Variants in ST6GALNAC3 observed in about 807,000 individuals in gnomAD.
ST6GALNAC3 encodes ST6 N-acetylgalactosaminide alpha-2,6-sialyltransferase 3, also known as alpha-N-acetylgalactosaminide alpha-2,6-sialyltransferase 3.
A neutral mutation model predicts 32.7 loss-of-function variants in ST6GALNAC3; 25 were observed. The observed-to-expected ratio is 0.76, with a 90% CI of 0.56 to 1.07. The LOEUF (loss-of-function observed/expected upper bound fraction) is 1.07. Among genes scored for constraint, ST6GALNAC3 ranks in the 50% least tolerant of loss-of-function variants. The pLI is 0.00. For missense variants in ST6GALNAC3, 355 were observed against 382.4 expected (o/e 0.93, Z 0.60); for synonymous variants, 129 against 133.1 (o/e 0.97, Z 0.21).
chr1:76,133,523 A>G (rs1649747217), intron 1 of ST6GALNAC3, among the ~76,000 whole-genome samples: 1 of 152,200 alleles, frequency 6.6e-6, no homozygotes, highest in African/African-American at 2.4e-5. Flanking sequence ...TCCCAGTCTA[A>G]GGGAAGATTT....
rs1226088034 is a variant in ST6GALNAC3 at position 76,125,616 on chromosome 1, A to C, written c.18+50732A>C. 4.6e-5 allele frequency among the ~76,000 whole-genome samples: 7 copies of C among 152,192 alleles called. No homozygotes were observed. In the East Asian group the frequency reaches 1.3e-3, roughly 29 times the overall value. On this transcript the variant is annotated intron_variant, in intron 1 of 4. Transcript: ENST00000328299. ...TTTGTCATCCTGTTTTAGTATCTAGAATACACTCTGAAGATCAGAAGCAGT... is the reference window on the plus strand; with the variant it reads ...TTTGTCATCCTGTTTTAGTATCTAGCATACACTCTGAAGATCAGAAGCAGT...
At chr1:76,463,681 T>G (rs1016898890) in intron 3 of ST6GALNAC3, among the ~76,000 whole-genome samples, 3 of 152,158 alleles carry the variant, frequency 2.0e-5, no homozygotes, top group African/African-American at 7.2e-5. Context: ...GTCGAGGAGC[T>G]TTCCTACCGC....
At chr1:76,420,470 T>C (rs763054953) in intron 3 of ST6GALNAC3, among the ~76,000 whole-genome samples, 8 of 152,046 alleles carry the variant, frequency 5.3e-5, no homozygotes, top group Non-Finnish European at 1.0e-4. Flanking sequence ...ATTTCTTTCA[T>C]TGAACAACAA....
intron 3 of ST6GALNAC3, among the ~76,000 whole-genome samples, chr1:76,619,653 A>G (rs1437948091): frequency 6.6e-6 from 1 of 152,156 alleles, no homozygotes; most frequent in Non-Finnish European, 1.5e-5. Flanking sequence ...TATCTCTAAT[A>G]TTTCAAAACA....
chr1:76,309,812 T>C (rs1226816991), intron 1 of ST6GALNAC3, among the ~76,000 whole-genome samples: 1 of 152,158 alleles, frequency 6.6e-6, no homozygotes, highest in Non-Finnish European at 1.5e-5. Flanking sequence ...GTCTGGCTTC[T>C]GCTCTCTGGT....
intron 3 of ST6GALNAC3, among the ~76,000 whole-genome samples, chr1:76,535,115 G>T (rs1042409129): frequency 6.6e-6 from 1 of 152,130 alleles, no homozygotes; most frequent in Non-Finnish European, 1.5e-5. Flanking sequence ...GGATACACAG[G>T]GTTAGGGAAA....
intron 3 of ST6GALNAC3, among the ~76,000 whole-genome samples, chr1:76,581,855 G>A (rs922880597): frequency 6.6e-6 from 1 of 152,088 alleles, no homozygotes; most frequent in African/African-American, 2.4e-5. Context: ...AAATCATTGA[G>A]TTAGTTCTGA....
chr1:76,074,863 C>A lies in ST6GALNAC3; in HGVS notation c.-4C>A. On this transcript the variant is annotated 5_prime_UTR_variant, in exon 1 of 5. Transcript: ENST00000328299. ...CTCGGTGGCAGGAGGGCCGGCGGAG[C>A]GCCATGGCCTGCATCCTGAAGGTAA... 6.3e-7 allele frequency: 1 copy of A among 1,591,532 alleles called. No homozygotes were observed. Among genetic ancestry groups the A allele is most frequent in the Non-Finnish European group, 8.5e-7 (1 of 1,169,628 alleles).
downstream of ST6GALNAC3, among the ~76,000 whole-genome samples, chr1:76,635,970 T>G (rs1649495319): frequency 6.6e-6 from 1 of 152,210 alleles, no homozygotes; most frequent in African/African-American, 2.4e-5. Flanking sequence ...TGCCCTGATA[T>G]TCTTAGTCAT....
intron 1 of ST6GALNAC3, among the ~76,000 whole-genome samples, chr1:76,105,155 A>C (rs1647433393): frequency 6.6e-6 from 1 of 152,238 alleles, no homozygotes; most frequent in Non-Finnish European, 1.5e-5. Context: ...ACAGAAGTGG[A>C]GGGAATAGTC....
chr1:76,582,810 T>C (rs1347611963), intron 3 of ST6GALNAC3, among the ~76,000 whole-genome samples: 2 of 152,134 alleles, frequency 1.3e-5, no homozygotes, highest in Admixed American at 1.3e-4. Context: ...TGAATTGTGT[T>C]TTCTTTTGGA....
chr1:76,277,567 TAC>T (rs1553172548), intron 1 of ST6GALNAC3, among the ~76,000 whole-genome samples: 4 of 51,272 alleles, frequency 7.8e-5, no homozygotes, highest in South Asian at 6.3e-4. Flanking sequence ...TATATATATA[TAC>T]ACACACACAT....
chr1:76,469,876 C>A (rs1342637075), intron 3 of ST6GALNAC3, among the ~76,000 whole-genome samples: 2 of 152,112 alleles, frequency 1.3e-5, no homozygotes, highest in Non-Finnish European at 2.9e-5. Context: ...GCCCCTCTTG[C>A]TCCTCTAGTA....
chr1:76,507,392 T>G (rs1218201307), intron 3 of ST6GALNAC3, among the ~76,000 whole-genome samples: 1 of 152,128 alleles, frequency 6.6e-6, no homozygotes, highest in Non-Finnish European at 1.5e-5. Flanking sequence ...TTAGGACACT[T>G]TCACCACTCC....
In ST6GALNAC3 at chr1:76,412,042, T is replaced by G. The variant is rs1654275307; in HGVS notation, c.248T>G (p.Val83Gly). The change falls in exon 3 of 5, where the codon GTG (valine) becomes GGG (glycine). Residue 83 changes from valine to glycine, a missense_variant. Val to Gly is a moderately radical substitution (Grantham distance 109). Transcript: ENST00000328299. ...CTGGACTGTGACCTTTGTGCCATAGTGTCAAACTCAGGTCAGATGGTTGGC... is the reference window on the plus strand; with the variant it reads ...CTGGACTGTGACCTTTGTGCCATAGGGTCAAACTCAGGTCAGATGGTTGGC... ...LQLDCDLCAI[V>G]SNSGQMVGQK... 6.2e-7 allele frequency: 1 copy of G among 1,613,450 alleles called. No individual in the cohort carries two copies. The highest frequency in any genetic ancestry group is 8.5e-7 in the Non-Finnish European group (1 of 1,179,704).
At chr1:76,338,465 T>G (rs555521151) in intron 2 of ST6GALNAC3, among the ~76,000 whole-genome samples, 2 of 152,284 alleles carry the variant, frequency 1.3e-5, no homozygotes, top group African/African-American at 4.8e-5. Context: ...CACTTGATCC[T>G]CCAGAAGCTT....
chr1:76,439,938 C>G (rs148189530), intron 3 of ST6GALNAC3, among the ~76,000 whole-genome samples: 90 of 152,210 alleles, frequency 5.9e-4, no homozygotes, highest in Middle Eastern at 3.4e-3. Context: ...ATAATACTAC[C>G]TCATAGGATT....
rs1262782846 is a variant in ST6GALNAC3 at position 76,630,714 on chromosome 1, T to G, written c.*1908T>G. 2.0e-6 allele frequency: 2 copies of G among 985,560 alleles called. No individual in the cohort carries two copies. Among genetic ancestry groups the G allele is most frequent in the African/African-American group, 3.5e-5 (2 of 57,204 alleles). The allele number at this position is 985,560 out of a possible 1,614,324, so 61.1% of individuals were successfully genotyped here. A position where few individuals can be genotyped will look rare whatever the true frequency, so the allele number is the denominator to read the frequency against. On this transcript the variant is annotated 3_prime_UTR_variant, in exon 5 of 5. Coordinates refer to ENST00000328299, the MANE Select transcript of ST6GALNAC3 (RefSeq NM_152996.4). ...CTTCTGCAATTTTGACACCTCAATA[T>G]TCACACCCATAAACATTACTAAGCC...
chr1:76,515,601 G>A (rs1182899445), intron 3 of ST6GALNAC3, among the ~76,000 whole-genome samples: 6 of 151,948 alleles, frequency 3.9e-5, no homozygotes, highest in Non-Finnish European at 4.4e-5. Flanking sequence ...ATAAGTTTTG[G>A]TATGATGTGT....
Sources: gnomAD v4.1 joint callset for allele counts (sites outside exome capture counted in the v4.1 genomes callset) on GRCh38, gnomAD v4.1.1 for gene constraint, MANE v1.5 for transcripts, NCBI Gene and HGNC (gene_info 2026-07-23, HGNC 2026-07-21) for gene names.